The following KLF12 variants were observed in gnomAD, a reference collection of about 807,000 sequenced individuals.
KLF12 encodes KLF transcription factor 12, also known as Krueppel-like factor 12.
In KLF12, 9 loss-of-function variants were observed where a neutral mutation model predicts 37.8. The observed-to-expected ratio is 0.24, with a 90% CI of 0.14 to 0.42. The LOEUF (loss-of-function observed/expected upper bound fraction) is 0.42, where lower values mean the gene tolerates loss of function less well. Among genes scored for constraint, KLF12 ranks in the 10% least tolerant of loss-of-function variants. The pLI, the probability that KLF12 is intolerant of heterozygous loss-of-function variation, is 1.00. For synonymous variants in KLF12, 208 were observed against 202.1 expected, an observed-to-expected ratio of 1.03 and a Z score of -0.25; for missense variants, 411 against 516.0, an observed-to-expected ratio of 0.80 and a Z score of 1.97.
rs1042572526 is a variant in KLF12 at position 73,717,433 on chromosome 13, C to T, written c.870-1908G>A. 5.9e-5 allele frequency among the ~76,000 whole-genome samples: 9 copies of T among 152,190 alleles called. No individual in the cohort carries two copies. The South Asian group carries it at 8.3e-4, about 14-fold the overall frequency. On this transcript the variant is annotated intron_variant, in intron 6 of 7. Coordinates refer to ENST00000377669, the MANE Select transcript of KLF12 (RefSeq NM_007249.5). ...ATATTCATTGCCATTTCCCAAGTGA[C>T]GGACATATAGACTACTTGTAATTTG... is the stretch of plus-strand genomic sequence containing the variant.
At chr13:73,834,480 C>T (rs1884324047) in intron 4 of KLF12, among the ~76,000 whole-genome samples, 1 of 152,176 alleles carries the variant, frequency 6.6e-6, no homozygotes. Flanking sequence ...CAAGACATAA[C>T]TGTCCATTGC....
intron 5 of KLF12, among the ~76,000 whole-genome samples, chr13:73,809,145 C>T (rs1346943265): frequency 6.6e-6 from 1 of 152,204 alleles, no homozygotes; most frequent in Non-Finnish European, 1.5e-5. Flanking sequence ...TGCAGCCATC[C>T]TTCTCAACCT....
intron 5 of KLF12, among the ~76,000 whole-genome samples, chr13:73,795,981 T>A (rs1026798820): frequency 2.0e-5 from 3 of 152,248 alleles, no homozygotes; most frequent in Admixed American, 2.0e-4. Context: ...ACTGGGCTTT[T>A]AATAAGTATA....
intron 1 of KLF12, among the ~76,000 whole-genome samples, chr13:74,081,556 C>A (rs901718346): frequency 6.6e-6 from 1 of 152,078 alleles, no homozygotes; most frequent in Non-Finnish European, 1.5e-5. Context: ...TGTTATTTAT[C>A]AACTTAACCA....
chr13:73,881,838 T>G (rs1325272376), intron 3 of KLF12, among the ~76,000 whole-genome samples: 2 of 152,196 alleles, frequency 1.3e-5, no homozygotes, highest in African/African-American at 4.8e-5. Flanking sequence ...TCATGAATGC[T>G]CTTCCTCAAT....
At chr13:73,887,353 TA>T (rs1887280133) in intron 3 of KLF12, among the ~76,000 whole-genome samples, 1 of 152,200 alleles carries the variant, frequency 6.6e-6, no homozygotes, top group Non-Finnish European at 1.5e-5. Context: ...TGGTGGGAGC[TA>T]ACTGGATCAT....
rs1407147067 is a variant in KLF12, at chr13:74,038,056, C to T, written c.-31-43003G>A. ...CAAATCAATACATGTGATAAAACTG[C>T]CTAGAACTGATACAAAGGACACACA... On this transcript the variant is annotated intron_variant, in intron 1 of 7. Coordinates refer to ENST00000377669, the MANE Select transcript of KLF12 (RefSeq NM_007249.5). 2.0e-5 allele frequency among the ~76,000 whole-genome samples: 3 copies of T among 152,192 alleles called. No individual in the cohort carries two copies. The East Asian group carries it at 5.8e-4, about 29-fold the overall frequency.
chr13:73,912,913 CCT>C (rs376143304), intron 3 of KLF12, among the ~76,000 whole-genome samples: 26 of 150,204 alleles, frequency 1.7e-4, no homozygotes, highest in African/African-American at 4.9e-4. Context: ...CTGGCTTCTC[CCT>C]CTCTCTCTCT....
chr13:73,798,593 A>T (rs1011821019), intron 5 of KLF12, among the ~76,000 whole-genome samples: 6 of 152,232 alleles, frequency 3.9e-5, no homozygotes, highest in African/African-American at 1.4e-4. Context: ...TCCCATTAAA[A>T]TGTGGGCAAA....
At chr13:73,877,986 C>T (rs900330166) in intron 3 of KLF12, among the ~76,000 whole-genome samples, 4 of 152,052 alleles carry the variant, frequency 2.6e-5, no homozygotes, top group Middle Eastern at 6.3e-3. Context: ...ACAGCCACCC[C>T]GTCACCAAAC....
At chr13:73,844,679 C>T (rs112968321) in intron 4 of KLF12, 1 of 152,104 alleles carries the variant, frequency 6.6e-6, no homozygotes, top group South Asian at 2.1e-4. Context: ...TCTGTAAGTT[C>T]ACAATCAATC....
chr13:74,302,437 A>C, the KLF12 span, among the ~76,000 whole-genome samples: 1 of 152,174 alleles, frequency 6.6e-6, no homozygotes, highest in Non-Finnish European at 1.5e-5. Context: ...GCATATTGGC[A>C]ATTACAGTTA....
Position 73,984,862 on chromosome 13 carries a change from T to C in KLF12, c.33+10128A>G, listed in dbSNP as rs184605701. Among the ~76,000 whole-genome samples the C allele has an allele frequency of 7.6e-3, 1,154 of 152,326 alleles. 22 individuals carry two copies. The highest frequency in any genetic ancestry group is 0.027 in the African/African-American group (1,105 of 41,576). On this transcript the variant is annotated intron_variant, in intron 2 of 7. Transcript: ENST00000377669. Reference sequence around the variant, plus strand: ...GAAATGTTCACTACAGTATCTCCAGTCACATGTGCTCTTCCAGAATGTTTC... The same window carrying C: ...GAAATGTTCACTACAGTATCTCCAGCCACATGTGCTCTTCCAGAATGTTTC...
At chr13:74,304,768 G>A in the KLF12 span, among the ~76,000 whole-genome samples, 1 of 152,032 alleles carries the variant, frequency 6.6e-6, no homozygotes, top group East Asian at 1.9e-4. Flanking sequence ...ACTCAGCTGA[G>A]GGTAGAGAAA....
intron 1 of KLF12, among the ~76,000 whole-genome samples, chr13:73,999,139 C>T (rs925465116): frequency 6.6e-6 from 1 of 152,218 alleles, no homozygotes; most frequent in Non-Finnish European, 1.5e-5. Flanking sequence ...ACTTCACTTT[C>T]CATTTCAGGT....
intron 7 of KLF12, among the ~76,000 whole-genome samples, chr13:73,710,001 GAAT>G (rs1333982006): frequency 6.6e-6 from 1 of 152,076 alleles, no homozygotes; most frequent in Non-Finnish European, 1.5e-5. Flanking sequence ...CAATTTATTA[GAAT>G]AATGGGCCCA....
At chr13:73,754,457 C>A (rs1879007244) in intron 6 of KLF12, among the ~76,000 whole-genome samples, 1 of 152,072 alleles carries the variant, frequency 6.6e-6, no homozygotes, top group South Asian at 2.1e-4. Context: ...CTGGCCCTCT[C>A]CTGGGAGAAA....
intron 2 of KLF12, among the ~76,000 whole-genome samples, chr13:73,976,482 T>G (rs916773778): frequency 6.6e-6 from 1 of 152,248 alleles, no homozygotes; most frequent in East Asian, 1.9e-4. Flanking sequence ...TTTATCTCTA[T>G]GTCAGGTGTT....
At chr13:73,700,925 A>C (rs955083691) in intron 7 of KLF12, among the ~76,000 whole-genome samples, 1 of 152,194 alleles carries the variant, frequency 6.6e-6, no homozygotes, top group Non-Finnish European at 1.5e-5. Context: ...AGCAGAAACT[A>C]ACTTCATGAT....
Sources: gnomAD v4.1 joint callset for allele counts (sites outside exome capture counted in the v4.1 genomes callset) on GRCh38, gnomAD v4.1.1 for gene constraint, MANE v1.5 for transcripts, NCBI Gene and HGNC (gene_info 2026-07-23, HGNC 2026-07-21) for gene names.